The following TTLL5 variants were observed in gnomAD, a reference collection of about 807,000 sequenced individuals.
TTLL5 encodes tubulin polyglutamylase TTLL5.
In TTLL5, 132 loss-of-function variants were observed where a neutral mutation model predicts 168.4. The ratio of observed to expected loss-of-function variants is 0.78; its 90% CI spans 0.68 to 0.91. TTLL5 has a LOEUF of 0.91. TTLL5 is among the 40% of genes least tolerant of loss of function. The pLI is 0.00. For synonymous variants in TTLL5, 546 were observed against 558.6 expected, an observed-to-expected ratio of 0.98 and a Z score of 0.32; for missense variants, 1,545 against 1,581.5, an observed-to-expected ratio of 0.98 and a Z score of 0.39.
At chr14:75,932,028 G>A (rs1411288757) in intron 31 of TTLL5, among the ~76,000 whole-genome samples, 2 of 152,272 alleles carry the variant, frequency 1.3e-5, no homozygotes, top group South Asian at 4.1e-4. Context: ...ATAAATATGG[G>A]ATAAAAGGTA....
At position 75,669,515 on chromosome 14, in the gene TTLL5, A is replaced by G. The variant is rs1391083901; in HGVS notation, c.174A>G (p.Val58=). The part of the protein sequence containing the change: ...AILTKDNNIR[V]IGERYHLSYK... Reference sequence around the variant, plus strand: ...TTACAAAGGACAACAATATTAGAGTAATTGGAGGTGCGTATAACCTCTCCC... The same window carrying G: ...TTACAAAGGACAACAATATTAGAGTGATTGGAGGTGCGTATAACCTCTCCC... The change falls in exon 3 of 32, where the codon GTA becomes GTG. Residue 58 remains valine (V), a synonymous_variant. Transcript: ENST00000298832. 1.2e-6 allele frequency: 2 copies of G among 1,613,764 alleles called. No individual in the cohort carries two copies. The highest frequency in any genetic ancestry group is 1.7e-6 in the Non-Finnish European group (2 of 1,179,680).
intron 28 of TTLL5, among the ~76,000 whole-genome samples, chr14:75,841,727 A>G (rs905994893): frequency 2.6e-5 from 4 of 152,154 alleles, no homozygotes; most frequent in African/African-American, 4.8e-5. Context: ...TGAAATATCT[A>G]TGTCCATACT....
chr14:75,711,290 G>T (rs568103355), intron 9 of TTLL5: 1 of 152,092 alleles, frequency 6.6e-6, no homozygotes, highest in Non-Finnish European at 1.5e-5. Flanking sequence ...TTTTACTTGC[G>T]TGTTGCTGTT....
chr14:75,844,758 C>T (rs1002769171), intron 28 of TTLL5, among the ~76,000 whole-genome samples: 2 of 152,198 alleles, frequency 1.3e-5, no homozygotes, highest in Non-Finnish European at 2.9e-5. Context: ...CTCACTCATG[C>T]CCTTTCCATT....
chr14:75,721,132 A>G (rs994370141), intron 12 of TTLL5, among the ~76,000 whole-genome samples: 5 of 151,988 alleles, frequency 3.3e-5, no homozygotes, highest in African/African-American at 1.2e-4. Context: ...TCTTCTTTCT[A>G]GTGTGTTCCT....
chr14:75,681,399 T>A, intron 3 of TTLL5, 146 bp from the exon 4 acceptor site: 2 of 619,536 alleles, frequency 3.2e-6, no homozygotes, highest in Non-Finnish European at 5.5e-6. Context: ...TAAGAACTCA[T>A]GGTCCAAAAT....
rs544583816 is a variant in TTLL5, at chr14:75,810,443, C to T, written c.3172-9564C>T. Among the ~76,000 whole-genome samples the T allele has an allele frequency of 2.2e-3, 328 of 152,252 alleles. 1 individual carries two copies. The highest frequency in any genetic ancestry group is 7.7e-3 in the African/African-American group (319 of 41,534). On this transcript the variant is annotated intron_variant, in intron 27 of 31. Transcript: ENST00000298832. ...AGTACAGTGGTGTGATTATGGTTCA[C>T]TGCAGCCTTGAATTCCCAGGCTCAA...
At chr14:75,951,007 C>G (rs1025317862) in intron 31 of TTLL5, among the ~76,000 whole-genome samples, 21 of 151,612 alleles carry the variant, frequency 1.4e-4, no homozygotes, top group African/African-American at 4.6e-4. Flanking sequence ...TTAATCCATC[C>G]TGTTTTTATG....
intron 28 of TTLL5, among the ~76,000 whole-genome samples, chr14:75,844,187 A>G (rs1355631644): frequency 2.6e-5 from 4 of 152,032 alleles, no homozygotes; most frequent in East Asian, 1.9e-4. Flanking sequence ...GGCTCATTTT[A>G]TATTTAAATC....
At chr14:75,724,932 G>A (rs1270265714) in intron 12 of TTLL5, among the ~76,000 whole-genome samples, 1 of 152,216 alleles carries the variant, frequency 6.6e-6, no homozygotes, top group African/African-American at 2.4e-5. Flanking sequence ...ACAACAGGAT[G>A]TTCGCTGCTC....
intron 26 of TTLL5, among the ~76,000 whole-genome samples, chr14:75,792,048 A>G (rs1287708702): frequency 6.6e-6 from 1 of 152,076 alleles, no homozygotes; most frequent in Admixed American, 6.6e-5. Context: ...AGCTGGGACT[A>G]TAAGCATGAG....
At chr14:75,777,416 T>C (rs187770570) in intron 23 of TTLL5, among the ~76,000 whole-genome samples, 1 of 152,184 alleles carries the variant, frequency 6.6e-6, no homozygotes, top group Non-Finnish European at 1.5e-5. Context: ...TACACCTAAT[T>C]TATATAAAAT....
chr14:75,905,939 GA>G (rs1333369177), intron 31 of TTLL5, among the ~76,000 whole-genome samples: 2 of 152,138 alleles, frequency 1.3e-5, no homozygotes, highest in Non-Finnish European at 2.9e-5. Flanking sequence ...ACCACCTTTA[GA>G]AAATCAATGA....
Position 75,860,818 on chromosome 14 carries a change from A to T in TTLL5, c.3327-2849A>T, listed in dbSNP as rs777939714. ...TAGTTTTGGGTGTTTTATCTTCAGT[A>T]AGCTTTTCTCTTCCCTCACTAATGA... On this transcript the variant is annotated intron_variant, in intron 28 of 31. Transcript: ENST00000298832. Among the ~76,000 whole-genome samples, 121 of 152,096 alleles carry T rather than the reference A, an allele frequency of 8.0e-4. 3 individuals carry two copies. Among genetic ancestry groups the T allele is most frequent in the Non-Finnish European group, 2.1e-4 (14 of 68,014 alleles).
intron 15 of TTLL5, among the ~76,000 whole-genome samples, chr14:75,742,121 T>C (rs1889312079): frequency 6.6e-6 from 1 of 152,238 alleles, no homozygotes; most frequent in South Asian, 2.1e-4. Context: ...ACTTTTTCTT[T>C]AAGTACTTTT....
At chr14:75,869,502 T>A (rs1215273968) in intron 29 of TTLL5, among the ~76,000 whole-genome samples, 1 of 152,200 alleles carries the variant, frequency 6.6e-6, no homozygotes, top group Non-Finnish European at 1.5e-5. Context: ...GTTCTCAGGA[T>A]GTGATATTGA....
At chr14:75,914,033 A>AAAAAAAAAAATATATATATATATATAT in intron 31 of TTLL5, among the ~76,000 whole-genome samples, 1 of 71,096 alleles carries the variant, frequency 1.4e-5, no homozygotes. Flanking sequence ...AAAAAAAAAA[A>AAAAAAAAAAATATATATATATATATAT]ATATATATAT....
chr14:75,938,163 T>A (rs2034489515), intron 31 of TTLL5, among the ~76,000 whole-genome samples: 1 of 152,340 alleles, frequency 6.6e-6, no homozygotes, highest in East Asian at 1.9e-4. Flanking sequence ...GGACAGACAA[T>A]ACTGTTAGAA....
At chr14:75,693,424 A>G (rs1885599110) in intron 6 of TTLL5, among the ~76,000 whole-genome samples, 2 of 152,340 alleles carry the variant, frequency 1.3e-5, no homozygotes, top group South Asian at 4.1e-4. Flanking sequence ...TTGTTCTAAT[A>G]AGAGACAACC....
Sources: allele counts gnomAD v4.1 joint callset (sites outside exome capture counted in the v4.1 genomes callset), GRCh38; gene constraint gnomAD v4.1.1; transcripts MANE v1.5; gene names NCBI Gene and HGNC (gene_info 2026-07-23, HGNC 2026-07-21).